HTR1F: variants seen among roughly 807,000 people sequenced by gnomAD.
The protein encoded by HTR1F is 5-hydroxytryptamine receptor 1F.
In HTR1F, 17 loss-of-function variants were observed where a neutral mutation model predicts 24.0. The observed-to-expected ratio is 0.71, with a 90% CI of 0.48 to 1.06. HTR1F has a LOEUF of 1.06. Ranked by LOEUF, HTR1F falls within the 50% of genes least tolerant of loss-of-function variation. The pLI, the probability that HTR1F is intolerant of heterozygous loss-of-function variation, is 0.00. For synonymous variants in HTR1F, 186 were observed against 156.8 expected (o/e 1.19, Z -1.39); for missense variants, 391 against 427.8 (o/e 0.91, Z 0.76).
chr3:87,920,972 A>AATTT (rs1228953168), intron 2 of HTR1F, among the ~76,000 whole-genome samples: 5 of 152,120 alleles, frequency 3.3e-5, no homozygotes, highest in African/African-American at 1.2e-4. Context: ...CTTAGGTTTT[A>AATTT]ATTTACTATC....
chr3:87,975,857 C>A (rs1199930179), intron 2 of HTR1F, among the ~76,000 whole-genome samples: 1 of 152,336 alleles, frequency 6.6e-6, no homozygotes, highest in East Asian at 1.9e-4. Flanking sequence ...CATATAACAT[C>A]TGCCTTGTGT....
intron 2 of HTR1F, among the ~76,000 whole-genome samples, chr3:87,986,833 G>C (rs1257679330): frequency 6.6e-6 from 1 of 152,184 alleles, no homozygotes; most frequent in Non-Finnish European, 1.5e-5. Flanking sequence ...GGCCGGGCAT[G>C]GTGGCTCACA....
intron 2 of HTR1F, among the ~76,000 whole-genome samples, chr3:87,980,480 C>T (rs1262126392): frequency 6.6e-6 from 1 of 152,178 alleles, no homozygotes; most frequent in Non-Finnish European, 1.5e-5. Context: ...CTGACTGGTC[C>T]ATGAGCAGCC....
At chr3:87,897,850 T>G (rs1168001295) in intron 2 of HTR1F, among the ~76,000 whole-genome samples, 1 of 152,178 alleles carries the variant, frequency 6.6e-6, no homozygotes, top group Non-Finnish European at 1.5e-5. Flanking sequence ...GAAATTTTTC[T>G]TATCTATCTC....
At chr3:87,867,297 C>G (rs1276774868) in intron 2 of HTR1F, among the ~76,000 whole-genome samples, 2 of 151,764 alleles carry the variant, frequency 1.3e-5, no homozygotes, top group Admixed American at 1.3e-4. Flanking sequence ...AACATAGAGG[C>G]ATCAAACTTT....
chr3:87,844,783 G>A (rs1490106164), intron 2 of HTR1F, among the ~76,000 whole-genome samples: 3 of 146,874 alleles, frequency 2.0e-5, no homozygotes, highest in African/African-American at 5.2e-5. Flanking sequence ...TATTAAATAG[G>A]GAATCCTTTC....
intron 1 of HTR1F, among the ~76,000 whole-genome samples, chr3:87,797,653 G>T (rs897013908): frequency 6.8e-6 from 1 of 146,638 alleles, no homozygotes; most frequent in Admixed American, 6.7e-5. Flanking sequence ...CTTCACGCAT[G>T]AATCTGAAAA....
chr3:87,858,994 G>A (rs1270417411), intron 2 of HTR1F, among the ~76,000 whole-genome samples: 2 of 152,142 alleles, frequency 1.3e-5, no homozygotes, highest in Non-Finnish European at 2.9e-5. Flanking sequence ...TCAGGAGTTC[G>A]AGACCAGCCT....
intron 2 of HTR1F, among the ~76,000 whole-genome samples, chr3:87,941,481 G>C (rs1468691703): frequency 6.6e-6 from 1 of 152,160 alleles, no homozygotes; most frequent in Admixed American, 6.5e-5. Flanking sequence ...ATTTAAGAGC[G>C]CTTGGGTGGC....
Position 87,935,771 on chromosome 3 carries a change from G to GGGCTGCAAGTGAAATGC in HTR1F, c.-42-54936_-42-54920dup, listed in dbSNP as rs569978630. The stretch of plus-strand genomic sequence containing the variant: ...TCTCTGTGTTAGAAGTTTATTTAAT[G>GGGCTGCAAGTGAAATGC]GGCTGCAAGTGAAATGCTTTGGAAA... On this transcript the variant is annotated intron_variant, in intron 2 of 2. Coordinates refer to ENST00000319595, the MANE Select transcript of HTR1F (RefSeq NM_001322209.2). Among the ~76,000 whole-genome samples, 70 of 152,094 alleles carry GGGCTGCAAGTGAAATGC rather than the reference G, an allele frequency of 4.6e-4. No homozygotes were observed. The East Asian group carries it at 0.013, about 28-fold the overall frequency.
chr3:87,974,860 A>G (rs183114711), intron 2 of HTR1F, among the ~76,000 whole-genome samples: 6 of 152,298 alleles, frequency 3.9e-5, no homozygotes, highest in Admixed American at 3.9e-4. Flanking sequence ...TTGATGCTCA[A>G]AACTTAGGAA....
intron 2 of HTR1F, among the ~76,000 whole-genome samples, chr3:87,908,000 T>C (rs1341207017): frequency 2.0e-5 from 3 of 152,032 alleles, no homozygotes; most frequent in African/African-American, 7.2e-5. Flanking sequence ...AAATTTGAAC[T>C]AATATTTCCA....
At chr3:87,863,345 T>A (rs1224992385) in intron 2 of HTR1F, among the ~76,000 whole-genome samples, 1 of 152,180 alleles carries the variant, frequency 6.6e-6, no homozygotes, top group Non-Finnish European at 1.5e-5. Flanking sequence ...ACCCTAGTCC[T>A]TTTTGTTTAA....
chr3:87,890,831 A>G (rs1706063308), intron 2 of HTR1F, among the ~76,000 whole-genome samples: 1 of 150,100 alleles, frequency 6.7e-6, no homozygotes, highest in South Asian at 2.1e-4. Context: ...TTTGACTACA[A>G]GTCAATTATT....
In HTR1F at chr3:87,956,843, C is replaced by T. The variant is rs1253456871; in HGVS notation, c.-42-33865C>T. ...TTGTATCCTGCAACTTGGTAAAATT[C>T]GCTTACTTTAATAGTTGATTTTTAG... On this transcript the variant is annotated intron_variant, in intron 2 of 2. Transcript: ENST00000319595. Among the ~76,000 whole-genome samples, 4 of 151,290 alleles carry T rather than the reference C, an allele frequency of 2.6e-5. No individual in the cohort carries two copies. In the East Asian group the frequency reaches 5.8e-4, roughly 22 times the overall value.
At chr3:87,959,480 G>A (rs1414064052) in intron 2 of HTR1F, among the ~76,000 whole-genome samples, 1 of 151,790 alleles carries the variant, frequency 6.6e-6, no homozygotes, top group Non-Finnish European at 1.5e-5. Context: ...AAATCTAATA[G>A]AGCCTCTTTT....
intron 2 of HTR1F, among the ~76,000 whole-genome samples, chr3:87,840,766 T>A (rs2343771): frequency 0.12 from 18,758 of 151,860 alleles, 1,614 homozygotes; most frequent in African/African-American, 0.22. Flanking sequence ...CACAGGAAAT[T>A]CTGTCATTTG....
intron 2 of HTR1F, among the ~76,000 whole-genome samples, chr3:87,921,072 C>T (rs1704003414): frequency 6.6e-6 from 1 of 151,820 alleles, no homozygotes; most frequent in African/African-American, 2.4e-5. Flanking sequence ...TTCATTATAA[C>T]TGGAGAAATT....
intron 2 of HTR1F, among the ~76,000 whole-genome samples, chr3:87,926,985 A>T (rs1405660476): frequency 6.6e-6 from 1 of 152,110 alleles, no homozygotes; most frequent in Non-Finnish European, 1.5e-5. Flanking sequence ...AAGGGCAACA[A>T]TTGCTGCTTT....
Sources: gnomAD v4.1 joint callset for allele counts (sites outside exome capture counted in the v4.1 genomes callset) on GRCh38, gnomAD v4.1.1 for gene constraint, MANE v1.5 for transcripts, NCBI Gene and HGNC (gene_info 2026-07-23, HGNC 2026-07-21) for gene names.